CDH17: variants seen among roughly 807,000 people sequenced by gnomAD.
CDH17 encodes the protein cadherin-17.
Under a neutral mutation model 86.3 loss-of-function variants are expected in CDH17, and 67 were observed. The ratio of observed to expected loss-of-function variants is 0.78; its 90% confidence interval spans 0.64 to 0.95. CDH17 has a LOEUF of 0.95. Among genes scored for constraint, CDH17 ranks in the 40% least tolerant of loss-of-function variants. CDH17 has a pLI of 0.00. For synonymous variants in CDH17, 367 were observed against 366.4 expected, an observed-to-expected ratio of 1.00 and a Z score of -0.02; for missense variants, 993 against 1,017.6, an observed-to-expected ratio of 0.98 and a Z score of 0.33.
Position 94,216,810 on chromosome 8 carries a change from A to C in CDH17, c.-21+388T>G, listed in dbSNP as rs1369680328. Reference sequence around the variant, plus strand: ...TCTAAAGAGAGGTTTTTCTCAGTACAAATAAGTTTTTAGTACAGGGGTTCT... The same window carrying C: ...TCTAAAGAGAGGTTTTTCTCAGTACCAATAAGTTTTTAGTACAGGGGTTCT... On this transcript the variant is annotated intron_variant, in intron 1 of 17. Coordinates refer to the CDH17 transcript ENST00000450165. 2.6e-5 allele frequency among the ~76,000 whole-genome samples: 4 copies of C among 152,284 alleles called. No homozygotes were observed. In the East Asian group the frequency reaches 7.7e-4, roughly 29 times the overall value.
chr8:94,131,123 C>A (rs1812408235), intron 15 of CDH17, 131 bp from the exon 16 acceptor site: 4 of 630,412 alleles, frequency 6.3e-6, no homozygotes, highest in Admixed American at 2.7e-5. Context: ...CCCAAAGTAT[C>A]ATCCACATCA....
chr8:94,155,002 A>G (rs563444142), intron 12 of CDH17, among the ~76,000 whole-genome samples: 31 of 152,196 alleles, frequency 2.0e-4, no homozygotes, highest in African/African-American at 7.5e-4. Flanking sequence ...TCTCTAGTTC[A>G]TAAGTGCTGT....
At chr8:94,161,577 A>G (rs1247822552) in intron 11 of CDH17, among the ~76,000 whole-genome samples, 1 of 152,174 alleles carries the variant, frequency 6.6e-6, no homozygotes, top group Non-Finnish European at 1.5e-5. Context: ...CTTTCTGTCC[A>G]GTTCTAATTC....
intron 15 of CDH17, among the ~76,000 whole-genome samples, chr8:94,136,637 T>C (rs560169164): frequency 1.3e-5 from 2 of 152,352 alleles, no homozygotes; most frequent in East Asian, 1.9e-4. Context: ...TGAAGCCTGC[T>C]TCTGTCAACT....
At chr8:94,199,065 ATATATATATATATATATAT>A (rs1262708254) in intron 1 of CDH17, among the ~76,000 whole-genome samples, 359 of 19,496 alleles carry the variant, frequency 0.018, 6 homozygotes, top group Middle Eastern at 0.05. Flanking sequence ...ATATATATAT[ATATATATATATATATATAT>A]TTTTTTTTTT....
chr8:94,203,789 G>A (rs1271400440), intron 1 of CDH17, among the ~76,000 whole-genome samples: 2 of 152,182 alleles, frequency 1.3e-5, no homozygotes, highest in African/African-American at 4.8e-5. Context: ...GAGGGAATGG[G>A]CAGCTGGATG....
intron 3 of CDH17, among the ~76,000 whole-genome samples, chr8:94,181,261 CT>C (rs1234751480): frequency 6.6e-6 from 1 of 152,074 alleles, no homozygotes; most frequent in Non-Finnish European, 1.5e-5. Context: ...CAAGACTTTA[CT>C]TTAAATAATA....
intron 15 of CDH17, among the ~76,000 whole-genome samples, chr8:94,141,963 T>TA (rs759676614): frequency 3.3e-5 from 5 of 152,196 alleles, no homozygotes; most frequent in Non-Finnish European, 4.4e-5. Flanking sequence ...CTTATACAGC[T>TA]ACAGCAATCA....
chr8:94,186,986 AT>A (rs1813593741), intron 3 of CDH17, among the ~76,000 whole-genome samples: 1 of 152,030 alleles, frequency 6.6e-6, no homozygotes, highest in South Asian at 2.1e-4. Context: ...GCTTTTTCCC[AT>A]CCTGTACTCA....
chr8:94,155,790 G>A (rs7840435), intron 12 of CDH17, among the ~76,000 whole-genome samples: 4,564 of 152,228 alleles, frequency 0.03, 199 homozygotes, highest in African/African-American at 0.1. Flanking sequence ...ACACTGGGGC[G>A]GGAAGACTAG....
At chr8:94,203,649 G>A (rs1813964998) in intron 1 of CDH17, among the ~76,000 whole-genome samples, 1 of 152,200 alleles carries the variant, frequency 6.6e-6, no homozygotes, top group Admixed American at 6.5e-5. Context: ...AACCGCAGAA[G>A]CATCTGACCA....
chr8:94,209,921 G>GT (rs34920175), upstream of CDH17, among the ~76,000 whole-genome samples: 209 of 148,782 alleles, frequency 1.4e-3, 2 homozygotes, highest in South Asian at 0.015. Context: ...AAATTTATGA[G>GT]TTTTTTTTTT....
At chr8:94,129,759 G>A (rs1812373211) in intron 17 of CDH17, among the ~76,000 whole-genome samples, 1 of 152,096 alleles carries the variant, frequency 6.6e-6, no homozygotes, top group South Asian at 2.1e-4. Context: ...GATGTCACAA[G>A]CATAAAATTC....
chr8:94,143,164 C>A (rs1812671208), intron 15 of CDH17, among the ~76,000 whole-genome samples: 1 of 152,218 alleles, frequency 6.6e-6, no homozygotes, highest in South Asian at 2.1e-4. Context: ...GATCTGGGGC[C>A]TGCAGAATGG....
At chr8:94,169,768 T>C (rs951922616) in intron 9 of CDH17, among the ~76,000 whole-genome samples, 9 of 152,208 alleles carry the variant, frequency 5.9e-5, no homozygotes, top group Non-Finnish European at 1.3e-4. Context: ...AATGTTCTTA[T>C]AGTAGTTGTT....
chr8:94,151,812 C>G lies in CDH17; in HGVS notation c.1796+56G>C. ...TCAGTGCAGGCCAGCTCCTCCTCCT[C>G]CCCATTGGCTTTGGTGACCACGCAG... On this transcript the variant is annotated intron_variant, in intron 13 of 17. Transcript: ENST00000027335. 1.9e-6 allele frequency: 3 copies of G among 1,607,692 alleles called. No individual in the cohort carries two copies. In the Middle Eastern group the frequency reaches 5.0e-4, roughly 267 times the overall value.
At chr8:94,167,554 T>C (rs1230942303) in intron 9 of CDH17, among the ~76,000 whole-genome samples, 1 of 152,234 alleles carries the variant, frequency 6.6e-6, no homozygotes, top group Non-Finnish European at 1.5e-5. Flanking sequence ...TCGGAATGAA[T>C]AGGACAGAAG....
At chr8:94,205,141 C>G (rs556196375) in intron 1 of CDH17, among the ~76,000 whole-genome samples, 1 of 152,088 alleles carries the variant, frequency 6.6e-6, no homozygotes, top group Non-Finnish European at 1.5e-5. Context: ...GCTATATACC[C>G]GCAAAAACCC....
At chr8:94,148,723 T>TTTC in intron 14 of CDH17, 21 bp downstream of exon 14, 1 of 885,096 alleles carries the variant, frequency 1.1e-6, no homozygotes, top group Non-Finnish European at 1.4e-6. Context: ...TTTTTTTTGT[T>TTTC]TTTTTTTTTT....
Sources: allele counts gnomAD v4.1 joint callset (sites outside exome capture counted in the v4.1 genomes callset), GRCh38; gene constraint gnomAD v4.1.1; transcripts MANE v1.5; gene names NCBI Gene and HGNC (gene_info 2026-07-23, HGNC 2026-07-21).